The following MCF2L2 variants were observed in gnomAD, a reference collection of about 807,000 sequenced individuals.
The protein encoded by MCF2L2 is probable guanine nucleotide exchange factor MCF2L2.
A neutral mutation model predicts 150.2 loss-of-function variants in MCF2L2; 102 were observed. The ratio of observed to expected loss-of-function variants is 0.68; its 90% CI spans 0.58 to 0.80. The LOEUF is 0.80. Ranked by LOEUF, MCF2L2 falls within the 30% of genes least tolerant of loss-of-function variation. The pLI, the probability that MCF2L2 is intolerant of heterozygous loss-of-function variation, is 0.00. For missense variants in MCF2L2, 1,256 were observed against 1,372.8 expected, an observed-to-expected ratio of 0.91 and a Z score of 1.34; for synonymous variants, 465 against 491.3, an observed-to-expected ratio of 0.95 and a Z score of 0.71.
chr3:183,319,552 A>G (rs1729731112), intron 6 of MCF2L2, among the ~76,000 whole-genome samples: 1 of 146,074 alleles, frequency 6.8e-6, no homozygotes, highest in South Asian at 2.1e-4. Context: ...TATCTATGGC[A>G]GGTATAGCTT....
At chr3:183,212,031 A>G (rs1012261320) in intron 22 of MCF2L2, among the ~76,000 whole-genome samples, 1 of 152,144 alleles carries the variant, frequency 6.6e-6, no homozygotes, top group Non-Finnish European at 1.5e-5. Flanking sequence ...AAAAAAGAAA[A>G]CAAAGAAATG....
intron 14 of MCF2L2, among the ~76,000 whole-genome samples, chr3:183,288,188 T>C (rs1053539249): frequency 3.9e-5 from 6 of 152,230 alleles, no homozygotes; most frequent in Admixed American, 3.3e-4. Flanking sequence ...TTATACCCAT[T>C]TGTACAAGCA....
chr3:183,181,789 C>T lies in MCF2L2; in HGVS notation c.3017-1630G>A, dbSNP rs1308124427. Among the ~76,000 whole-genome samples, 2 of 152,164 alleles carry T rather than the reference C, an allele frequency of 1.3e-5. No individual in the cohort carries two copies. Among genetic ancestry groups the T allele is most frequent in the African/African-American group, 4.8e-5 (2 of 41,450 alleles). On this transcript the variant is annotated intron_variant, in intron 27 of 29. Coordinates refer to ENST00000328913, the MANE Select transcript of MCF2L2 (RefSeq NM_015078.4). This position sits in a 1 kb window ranked among gnomAD's most constrained non-coding sequence, Gnocchi z 4.3. The stretch of plus-strand genomic sequence containing the variant: ...CTGCTAGGGACCATAGAGCCACCCA[C>T]TGGGAGGCTGGCGGTTGGGCCTGGC...
At chr3:183,367,566 G>C (rs974824443) in intron 3 of MCF2L2, among the ~76,000 whole-genome samples, 3 of 151,938 alleles carry the variant, frequency 2.0e-5, no homozygotes, top group African/African-American at 7.3e-5. Flanking sequence ...CCTATAGTCA[G>C]ACAAAAAGAA....
chr3:183,413,937 G>A (rs1336401744), intron 1 of MCF2L2, among the ~76,000 whole-genome samples: 1 of 152,238 alleles, frequency 6.6e-6, no homozygotes, highest in Non-Finnish European at 1.5e-5. Context: ...CAGGGTGGCA[G>A]AGGAGGAAGA....
chr3:183,219,968 G>A (rs768877174), intron 20 of MCF2L2, 44 bp from the exon 21 acceptor site: 1 of 1,383,748 alleles, frequency 7.2e-7, no homozygotes, highest in Non-Finnish European at 1.0e-6. Context: ...AATGTACATT[G>A]CCATCAAAAT....
At chr3:183,393,472 T>A (rs775415776) in intron 1 of MCF2L2, among the ~76,000 whole-genome samples, 1 of 152,078 alleles carries the variant, frequency 6.6e-6, no homozygotes, top group African/African-American at 2.4e-5. Context: ...GGATTACAGG[T>A]GTGAGCCATT....
intron 25 of MCF2L2, among the ~76,000 whole-genome samples, chr3:183,198,870 G>A (rs1027732232): frequency 6.6e-6 from 1 of 152,126 alleles, no homozygotes; most frequent in Non-Finnish European, 1.5e-5. Flanking sequence ...TTCTACTAGA[G>A]TTGCCATATC....
chr3:183,312,003 T>A (rs983472084), intron 7 of MCF2L2, among the ~76,000 whole-genome samples: 1 of 152,228 alleles, frequency 6.6e-6, no homozygotes, highest in Non-Finnish European at 1.5e-5. Flanking sequence ...ATATTTTTCC[T>A]CTTCAAAATC....
chr3:183,231,885 G>C (rs1723574580), intron 15 of MCF2L2, among the ~76,000 whole-genome samples: 1 of 152,170 alleles, frequency 6.6e-6, no homozygotes, highest in Non-Finnish European at 1.5e-5. Flanking sequence ...ACTTCTGTCT[G>C]CTTCTGTCAA....
At chr3:183,207,585 A>C in intron 23 of MCF2L2, 23 bp downstream of exon 23, 2 of 1,551,818 alleles carry the variant, frequency 1.3e-6, no homozygotes, top group South Asian at 2.2e-5. Flanking sequence ...GGCGACTCCC[A>C]GATGCAATAG....
chr3:183,371,193 G>C (rs1712852863), intron 3 of MCF2L2, among the ~76,000 whole-genome samples: 1 of 152,198 alleles, frequency 6.6e-6, no homozygotes, highest in African/African-American at 2.4e-5. Context: ...AAGTATCTGA[G>C]ACAGGTCTCA....
chr3:183,270,364 T>C lies in MCF2L2; in HGVS notation c.1862+6508A>G, dbSNP rs1430505599. Reference sequence around the variant, plus strand: ...ACCTATTGTCCACATGCCAAATTTCTTATGACTGCTGATGATGACATATTT... The same window carrying C: ...ACCTATTGTCCACATGCCAAATTTCCTATGACTGCTGATGATGACATATTT... On this transcript the variant is annotated intron_variant, in intron 15 of 29. Coordinates refer to ENST00000328913, the MANE Select transcript of MCF2L2 (RefSeq NM_015078.4). The surrounding 1 kb of genome is among the most constrained non-coding windows in gnomAD (Gnocchi z 4.5). 6.2e-7 allele frequency: 1 copy of C among 1,614,222 alleles called. No homozygotes were observed.
chr3:183,283,140 G>C lies in MCF2L2; in HGVS notation c.1776+5980C>G, dbSNP rs1457652873. 6.6e-6 allele frequency among the ~76,000 whole-genome samples: 1 copy of C among 152,148 alleles called. No individual in the cohort carries two copies. Among genetic ancestry groups the C allele is most frequent in the Non-Finnish European group, 1.5e-5 (1 of 68,028 alleles). On this transcript the variant is annotated intron_variant, in intron 14 of 29. Coordinates refer to ENST00000328913, the MANE Select transcript of MCF2L2 (RefSeq NM_015078.4). The surrounding 1 kb of genome is among the most constrained non-coding windows in gnomAD (Gnocchi z 4.2). Reference sequence around the variant, plus strand: ...CTCCTTCATTCTACACATTTTCTCTGATAGTCGTGTTCTAGCCACTAGGGA... The same window carrying C: ...CTCCTTCATTCTACACATTTTCTCTCATAGTCGTGTTCTAGCCACTAGGGA...
rs145193108 is a variant in MCF2L2 at position 183,384,148 on chromosome 3, C to T, written c.161-4737G>A. 3.0e-3 allele frequency among the ~76,000 whole-genome samples: 450 copies of T among 152,248 alleles called. 2 individuals carry two copies. Among genetic ancestry groups the T allele is most frequent in the African/African-American group, 0.01 (431 of 41,528 alleles). On this transcript the variant is annotated intron_variant, in intron 2 of 29. Transcript: ENST00000328913. ...ATTTCTGTTATGTGTGTTTTGAAAC[C>T]GCCTTTTCAAAATCATGACTGAGAC...
chr3:183,391,315 A>C (rs1217319794), intron 1 of MCF2L2, among the ~76,000 whole-genome samples: 1 of 151,490 alleles, frequency 6.6e-6, no homozygotes, highest in Admixed American at 6.6e-5. Flanking sequence ...TGCCAGCTTA[A>C]GCCCCAAGAT....
At chr3:183,301,550 T>A (rs1728848720) in intron 10 of MCF2L2, among the ~76,000 whole-genome samples, 1 of 152,102 alleles carries the variant, frequency 6.6e-6, no homozygotes, top group Non-Finnish European at 1.5e-5. Flanking sequence ...ATCCTAGCAC[T>A]TTGGGAGGCC....
chr3:183,356,917 G>GA (rs1417809222), intron 3 of MCF2L2, among the ~76,000 whole-genome samples: 9 of 152,292 alleles, frequency 5.9e-5, no homozygotes, highest in Admixed American at 2.0e-4. Context: ...ACACTCTTAT[G>GA]AAAAGGGAGC....
Position 183,412,306 on chromosome 3 carries a change from G to T in MCF2L2, c.76+15596C>A, listed in dbSNP as rs150266486. On this transcript the variant is annotated intron_variant, in intron 1 of 29. Coordinates refer to ENST00000328913, the MANE Select transcript of MCF2L2 (RefSeq NM_015078.4). ...TTGTTTGTTTGTTGTTGTTGTTGTT[G>T]TTGTTTGAGACAGAGTCTCCCTCTG... is the stretch of plus-strand genomic sequence containing the variant. 4.6e-3 allele frequency among the ~76,000 whole-genome samples: 680 copies of T among 147,178 alleles called. 5 individuals carry two copies. The highest frequency in any genetic ancestry group is 0.017 in the African/African-American group (637 of 37,880).
Sources: allele counts gnomAD v4.1 joint callset (sites outside exome capture counted in the v4.1 genomes callset), GRCh38; gene constraint gnomAD v4.1.1; non-coding constraint Gnocchi (gnomAD v3.1); transcripts MANE v1.5; gene names NCBI Gene and HGNC (gene_info 2026-07-23, HGNC 2026-07-21).